Variants in EREG observed in about 807,000 individuals in gnomAD.
The protein encoded by EREG is epiregulin, also known as proepiregulin.
Under a neutral mutation model 22.4 loss-of-function variants are expected in EREG, and 23 were observed. The observed-to-expected ratio is 1.03, with a 90% CI of 0.74 to 1.46. The LOEUF (loss-of-function observed/expected upper bound fraction) is 1.46. Among genes scored for constraint, EREG ranks in the 40% most tolerant of loss-of-function variants. The probability of loss-of-function intolerance (pLI) is 0.00; values close to 1 mark genes in which losing one functional copy is unlikely to be tolerated. For synonymous variants in EREG, 100 were observed against 75.4 expected (o/e 1.33, Z -1.69); for missense variants, 226 against 205.9 (o/e 1.10, Z -0.60).
rs1752609507 is a variant in EREG at position 74,388,492 on chromosome 4, G to T, written c.*3684G>T. The T allele has an allele frequency of 6.6e-6, 1 of 152,438 alleles. No homozygotes were observed. The highest frequency in any genetic ancestry group is 6.6e-5 in the Admixed American group (1 of 15,266). The allele number at this position is 152,438 out of a possible 1,614,324, so 9.4% of individuals were successfully genotyped here. On this transcript the variant is annotated 3_prime_UTR_variant, in exon 5 of 5. Coordinates refer to ENST00000244869, the MANE Select transcript of EREG (RefSeq NM_001432.3). ...GTTTGAAGAGCCATTTTGGTAAACG[G>T]TTTTTATTAAAGATGCTATGGAACA...
chr4:74,382,490 G>A (rs1176306661), intron 3 of EREG, 155 bp from the exon 4 acceptor site: 2 of 578,280 alleles, frequency 3.5e-6, no homozygotes, highest in Admixed American at 3.1e-5. Flanking sequence ...TATCATTACT[G>A]GTCTAACTCA....
intron 4 of EREG, 75 bp downstream of exon 4, chr4:74,382,869 A>T: frequency 9.3e-7 from 1 of 1,081,070 alleles, no homozygotes. Context: ...CTGGGTAAAA[A>T]TATGGATAAA....
intron 1 of EREG, among the ~76,000 whole-genome samples, chr4:74,366,049 C>G (rs1485663998): frequency 6.6e-6 from 1 of 152,104 alleles, no homozygotes; most frequent in African/African-American, 2.4e-5. Context: ...CTGGAGCAAG[C>G]GTTCTGCACT....
At chr4:74,376,817 A>C (rs566710047) in intron 1 of EREG, among the ~76,000 whole-genome samples, 1 of 152,288 alleles carries the variant, frequency 6.6e-6, no homozygotes, top group Non-Finnish European at 1.5e-5. Flanking sequence ...CAAGACATTT[A>C]ATTTAAATAC....
At position 74,387,888 on chromosome 4, in the gene EREG, C is replaced by A. The variant is rs1752598331; in HGVS notation, c.*3080C>A. On this transcript the variant is annotated 3_prime_UTR_variant, in exon 5 of 5. Coordinates refer to ENST00000244869, the MANE Select transcript of EREG (RefSeq NM_001432.3). ...TCTATAACTAGTACTCAAGGTTTAACCTTAAAATTAAGATTTCCTTAACCT... is the reference window on the plus strand; with the variant it reads ...TCTATAACTAGTACTCAAGGTTTAAACTTAAAATTAAGATTTCCTTAACCT... 1 of 152,140 alleles carries A rather than the reference C, an allele frequency of 6.6e-6. No individual in the cohort carries two copies. Among genetic ancestry groups the A allele is most frequent in the African/African-American group, 2.4e-5 (1 of 41,428 alleles). The allele number at this position is 152,140 out of a possible 1,614,324, so 9.4% of individuals were successfully genotyped here.
chr4:74,381,907 C>T (rs1413395869), intron 3 of EREG: 1 of 125,098 alleles, frequency 8.0e-6, no homozygotes, highest in African/African-American at 3.0e-5. Flanking sequence ...ATGGCATGAA[C>T]CCGGGGGGTG....
rs766180343 is a variant in EREG, at chr4:74,380,963, AT to A, written c.155-49del. 2.5e-5 allele frequency: 40 copies of A among 1,581,342 alleles called. No homozygotes were observed. In the South Asian group the frequency reaches 4.6e-4, roughly 18 times the overall value. On this transcript the variant is annotated intron_variant, in intron 2 of 4. Coordinates refer to ENST00000244869, the MANE Select transcript of EREG (RefSeq NM_001432.3). ...GGTTACTGTTATGAAAGAGTGAGAA[AT>A]TCTTCCATGAAGGCTGCAGAATATA...
chr4:74,385,939 T>C lies in EREG; in HGVS notation c.*1131T>C, dbSNP rs951958965. 4 of 393,154 alleles carry C rather than the reference T, an allele frequency of 1.0e-5. No individual in the cohort carries two copies. Among genetic ancestry groups the C allele is most frequent in the Admixed American group, 8.9e-5 (2 of 22,560 alleles). 24.4% of individuals were successfully genotyped at this position (393,154 alleles called of 1,614,324 possible). A position where few individuals can be genotyped will look rare whatever the true frequency, so the allele number is the denominator to read the frequency against. The stretch of plus-strand genomic sequence containing the variant: ...AAAAAACTTAAAAATTAATATGGTG[T>C]ATTTTTCCAAATGAAAAATCTCAAT... On this transcript the variant is annotated 3_prime_UTR_variant, in exon 5 of 5. Transcript: ENST00000244869.
rs949650799 is a variant in EREG, at chr4:74,386,543, T to C, written c.*1735T>C. Reference sequence around the variant, plus strand: ...GGATCATAGAATTGCAGTCATTTGGTGCTCTGCTAACCATTTATATAAAAC... The same window carrying C: ...GGATCATAGAATTGCAGTCATTTGGCGCTCTGCTAACCATTTATATAAAAC... On this transcript the variant is annotated 3_prime_UTR_variant, in exon 5 of 5. Coordinates refer to ENST00000244869, the MANE Select transcript of EREG (RefSeq NM_001432.3). 6.6e-6 allele frequency: 1 copy of C among 152,246 alleles called. No individual in the cohort carries two copies. Among genetic ancestry groups the C allele is most frequent in the Admixed American group, 6.5e-5 (1 of 15,282 alleles). 9.4% of individuals were successfully genotyped at this position (152,246 alleles called of 1,614,324 possible).
chr4:74,370,366 A>T (rs1752269304), intron 1 of EREG, among the ~76,000 whole-genome samples: 1 of 152,224 alleles, frequency 6.6e-6, no homozygotes, highest in Non-Finnish European at 1.5e-5. Context: ...GGATGATCAC[A>T]TTGATACTTT....
chr4:74,380,899 C>T (rs1315966474), intron 2 of EREG, 115 bp from the exon 3 acceptor site: 36 of 1,110,524 alleles, frequency 3.2e-5, no homozygotes, highest in Non-Finnish European at 4.3e-5. Flanking sequence ...TTCTCCTTGA[C>T]AGATTGGCAT....
intron 1 of EREG, among the ~76,000 whole-genome samples, chr4:74,370,894 T>A (rs962323980): frequency 1.3e-5 from 2 of 152,208 alleles, no homozygotes; most frequent in African/African-American, 4.8e-5. Context: ...GAGCTAGAAC[T>A]GGATTCCATT....
chr4:74,381,661 T>C (rs981477661), intron 3 of EREG: 6 of 152,020 alleles, frequency 3.9e-5, no homozygotes, highest in African/African-American at 1.5e-4. Context: ...TCCTTCAATT[T>C]CTATATCAGG....
Position 74,385,842 on chromosome 4 carries a change from C to G in EREG, c.*1034C>G, listed in dbSNP as rs1437115809. The G allele has an allele frequency of 2.5e-6, 1 of 396,448 alleles. No homozygotes were observed. The allele number at this position is 396,448 out of a possible 1,614,324, so 24.6% of individuals were successfully genotyped here. A position where few individuals can be genotyped will look rare whatever the true frequency, so the allele number is the denominator to read the frequency against. On this transcript the variant is annotated 3_prime_UTR_variant, in exon 5 of 5. Transcript: ENST00000244869. ...ATTCAAGGAAGTTTTAACTTTAATA[C>G]AGCTCAGTAAATGGCTTCTTCTAGA...
rs946557324 is a variant in EREG, at chr4:74,367,125, C to T, written c.67+1750C>T. 2.1e-4 allele frequency among the ~76,000 whole-genome samples: 32 copies of T among 152,288 alleles called. 1 individual carries two copies. Among genetic ancestry groups the T allele is most frequent in the Admixed American group, 1.9e-3 (29 of 15,290 alleles). Reference sequence around the variant, plus strand: ...TTAAATTTTAGCATACATGTTATAACTGCTTTATGTAGTTATGACTAGGGA... The same window carrying T: ...TTAAATTTTAGCATACATGTTATAATTGCTTTATGTAGTTATGACTAGGGA... On this transcript the variant is annotated intron_variant, in intron 1 of 4. Transcript: ENST00000244869.
At chr4:74,374,344 C>A (rs968738961) in intron 1 of EREG, among the ~76,000 whole-genome samples, 3 of 152,126 alleles carry the variant, frequency 2.0e-5, no homozygotes, top group Non-Finnish European at 4.4e-5. Context: ...TCTGTACTGG[C>A]CTCCTTCTGG....
chr4:74,368,356 A>C (rs995290840), intron 1 of EREG, among the ~76,000 whole-genome samples: 3 of 152,228 alleles, frequency 2.0e-5, no homozygotes, highest in African/African-American at 7.2e-5. Context: ...CAGTCATTGA[A>C]GTCAGTTGAC....
At chr4:74,371,134 A>C (rs971693328) in intron 1 of EREG, among the ~76,000 whole-genome samples, 1 of 152,182 alleles carries the variant, frequency 6.6e-6, no homozygotes, top group African/African-American at 2.4e-5. Flanking sequence ...AATGAGGGAT[A>C]CAATTTTGCC....
chr4:74,375,668 A>AT (rs983241270), intron 1 of EREG, among the ~76,000 whole-genome samples: 2 of 151,986 alleles, frequency 1.3e-5, no homozygotes, highest in African/African-American at 4.8e-5. Context: ...AGTGGATGTA[A>AT]TATTTCTCTG....
Sources: gnomAD v4.1 joint callset for allele counts (sites outside exome capture counted in the v4.1 genomes callset) on GRCh38, gnomAD v4.1.1 for gene constraint, MANE v1.5 for transcripts, NCBI Gene and HGNC (gene_info 2026-07-23, HGNC 2026-07-21) for gene names.